The following SUSD1 variants were observed in gnomAD, a reference collection of about 807,000 sequenced individuals.
SUSD1 encodes the protein sushi domain containing 1.
In SUSD1, 65 loss-of-function variants were observed where a neutral mutation model predicts 86.9. That is an observed-to-expected ratio of 0.75 (90% CI 0.61 to 0.92). The LOEUF (loss-of-function observed/expected upper bound fraction) is 0.92, where lower values mean the gene tolerates loss of function less well. Ranked by LOEUF, SUSD1 falls within the 40% of genes least tolerant of loss-of-function variation. The probability of loss-of-function intolerance (pLI) is 0.00; values close to 1 mark genes in which losing one functional copy is unlikely to be tolerated. For missense variants in SUSD1, 850 were observed against 929.7 expected (o/e 0.91, Z 1.11); for synonymous variants, 346 against 350.0 (o/e 0.99, Z 0.13).
At chr9:112,117,851 AC>A (rs1236958573) in intron 6 of SUSD1, among the ~76,000 whole-genome samples, 1 of 152,206 alleles carries the variant, frequency 6.6e-6, no homozygotes, top group African/African-American at 2.4e-5. Flanking sequence ...GAGAAGAATG[AC>A]AGCTGAAACT....
At chr9:112,050,883 G>A (rs150382991) in intron 15 of SUSD1, among the ~76,000 whole-genome samples, 27 of 152,282 alleles carry the variant, frequency 1.8e-4, no homozygotes, top group African/African-American at 6.3e-4. Context: ...CAATTTCCCC[G>A]CCTGGATAAC....
At position 112,175,000 on chromosome 9, in the gene SUSD1, C is replaced by T. The variant is rs983410024; in HGVS notation, c.103+133G>A. The T allele has an allele frequency of 1.7e-4, 103 of 621,344 alleles. No individual in the cohort carries two copies. The African/African-American group carries it at 1.8e-3, about 11-fold the overall frequency. The allele number at this position is 621,344 out of a possible 1,614,324, so 38.5% of individuals were successfully genotyped here. On this transcript the variant is annotated intron_variant, in intron 1 of 16. Coordinates refer to ENST00000374270, the MANE Select transcript of SUSD1 (RefSeq NM_022486.5). The stretch of plus-strand genomic sequence containing the variant: ...GCCGATCTCCAACGGCCGGCGCGGG[C>T]CCCACCTGCGCCCCACGCCTCGGCA...
At chr9:112,056,710 TTGTG>T (rs58974133) in intron 14 of SUSD1, among the ~76,000 whole-genome samples, 11 of 146,994 alleles carry the variant, frequency 7.5e-5, no homozygotes, top group South Asian at 2.2e-4. Flanking sequence ...CCAGAATTCT[TTGTG>T]TGTGTGTGTG....
At chr9:112,156,388 G>C (rs918546505) in intron 2 of SUSD1, among the ~76,000 whole-genome samples, 1 of 151,588 alleles carries the variant, frequency 6.6e-6, no homozygotes. Flanking sequence ...CTTGAACCTC[G>C]GAGGCGGAGG....
In SUSD1 at chr9:112,163,851, A is replaced by G. The variant is rs145998993; in HGVS notation, c.104-6238T>C. 4.5e-4 allele frequency among the ~76,000 whole-genome samples: 68 copies of G among 151,962 alleles called. No individual in the cohort carries two copies. The East Asian group carries it at 0.013, about 29-fold the overall frequency. ...TGTCTCTACTAAAAATACAAAAAAA[A>G]TTAGCTAGGCATGGTGGTGGACACC... is the stretch of plus-strand genomic sequence containing the variant. On this transcript the variant is annotated intron_variant, in intron 1 of 16. Coordinates refer to ENST00000374270, the MANE Select transcript of SUSD1 (RefSeq NM_022486.5).
intron 11 of SUSD1, among the ~76,000 whole-genome samples, chr9:112,079,868 C>G (rs1829691106): frequency 6.6e-6 from 1 of 152,166 alleles, no homozygotes. Context: ...TCTCAAAGTA[C>G]TGGGATTACA....
At chr9:112,079,647 G>A (rs1297377124) in intron 11 of SUSD1, among the ~76,000 whole-genome samples, 1 of 150,568 alleles carries the variant, frequency 6.6e-6, no homozygotes, top group Non-Finnish European at 1.5e-5. Context: ...CTGTCACCCA[G>A]GCTGGGGTTC....
intron 5 of SUSD1, among the ~76,000 whole-genome samples, chr9:112,138,273 A>G (rs1386296184): frequency 9.7e-5 from 12 of 123,212 alleles, no homozygotes; most frequent in Non-Finnish European, 1.9e-4. Context: ...ATACATATAT[A>G]TATATATGAA....
chr9:112,160,535 C>T (rs1340453830), intron 1 of SUSD1, among the ~76,000 whole-genome samples: 1 of 152,022 alleles, frequency 6.6e-6, no homozygotes, highest in Non-Finnish European at 1.5e-5. Flanking sequence ...CAGAGTGAGA[C>T]TCCATCTCAA....
intron 11 of SUSD1, 63 bp from the exon 12 acceptor site, chr9:112,078,787 C>T: frequency 7.4e-7 from 1 of 1,360,532 alleles, no homozygotes; most frequent in East Asian, 2.3e-5. Flanking sequence ...TGCCTTGAAA[C>T]CTCCCCTTTT....
intron 2 of SUSD1, among the ~76,000 whole-genome samples, chr9:112,154,986 C>T (rs1390591504): frequency 2.0e-5 from 3 of 152,080 alleles, no homozygotes; most frequent in Non-Finnish European, 2.9e-5. Context: ...TGCGGTGGCT[C>T]ACGTCTGTAA....
chr9:112,066,087 A>C (rs1828966306), intron 12 of SUSD1, among the ~76,000 whole-genome samples: 1 of 152,214 alleles, frequency 6.6e-6, no homozygotes, highest in African/African-American at 2.4e-5. Context: ...GGCCGAGCCA[A>C]GTGTGGAACT....
At position 112,124,428 on chromosome 9, in the gene SUSD1, A is replaced by T. The variant is rs769455796; in HGVS notation, c.715T>A (p.Cys239Ser). The change falls in exon 6 of 17, where the codon TGT becomes AGT. Residue 239 changes from cysteine to serine, a missense_variant. Transcript: ENST00000374270. Reference sequence around the variant, plus strand: ...TGCCGCATTTCTGGAGGGTTGCCACAGTTGATCTCTGCAATGGGAACCAAG... The same window carrying T: ...TGCCGCATTTCTGGAGGGTTGCCACTGTTGATCTCTGCAATGGGAACCAAG... ...SPKLHCQEIN[C>S]GNPPEMRHAI... 2.5e-6 allele frequency: 4 copies of T among 1,613,776 alleles called. No homozygotes were observed. The highest frequency in any genetic ancestry group is 2.5e-6 in the Non-Finnish European group (3 of 1,179,862).
At chr9:112,148,896 AC>A (rs929934118) in intron 3 of SUSD1, among the ~76,000 whole-genome samples, 57 of 138,714 alleles carry the variant, frequency 4.1e-4, no homozygotes, top group South Asian at 1.5e-3. Context: ...ACAGAGTGAG[AC>A]CCCCCCCTTA....
chr9:112,150,033 A>G (rs1832977975), intron 2 of SUSD1, among the ~76,000 whole-genome samples: 1 of 152,208 alleles, frequency 6.6e-6, no homozygotes, highest in African/African-American at 2.4e-5. Context: ...ATAATATGAA[A>G]GTGAAAGATG....
chr9:112,072,914 G>T (rs1043052464), intron 12 of SUSD1, among the ~76,000 whole-genome samples: 1 of 152,222 alleles, frequency 6.6e-6, no homozygotes, highest in Admixed American at 6.5e-5. Flanking sequence ...AGCCAGGGGG[G>T]CCCCCAGGGA....
chr9:112,158,003 T>C (rs1277681619), intron 1 of SUSD1, among the ~76,000 whole-genome samples: 2 of 151,760 alleles, frequency 1.3e-5, no homozygotes, highest in Admixed American at 6.6e-5. Context: ...TTTTTTTTTC[T>C]TGTAGACACA....
At chr9:112,110,941 C>T (rs1265577237) in intron 8 of SUSD1, among the ~76,000 whole-genome samples, 1 of 152,146 alleles carries the variant, frequency 6.6e-6, no homozygotes, top group Non-Finnish European at 1.5e-5. Context: ...GGGTCAGCCT[C>T]CCTGGCACCT....
intron 1 of SUSD1, among the ~76,000 whole-genome samples, chr9:112,163,416 C>T (rs1341346152): frequency 6.6e-6 from 1 of 151,930 alleles, no homozygotes; most frequent in East Asian, 1.9e-4. Context: ...ATCCTCCTAC[C>T]TCAGCCTACC....
Sources: gnomAD v4.1 joint callset for allele counts (sites outside exome capture counted in the v4.1 genomes callset) on GRCh38, gnomAD v4.1.1 for gene constraint, MANE v1.5 for transcripts, NCBI Gene and HGNC (gene_info 2026-07-23, HGNC 2026-07-21) for gene names.